Variants in ITGA9 observed in about 807,000 individuals in gnomAD.
ITGA9 encodes the protein integrin subunit alpha 9.
Under a neutral mutation model 127.8 loss-of-function variants are expected in ITGA9, and 56 were observed. That is an observed-to-expected ratio of 0.44 (90% CI 0.35 to 0.55). The LOEUF is 0.55. Among genes scored for constraint, ITGA9 ranks in the 20% least tolerant of loss-of-function variants. The pLI is 0.00. For synonymous variants in ITGA9, 508 were observed against 514.5 expected (o/e 0.99, Z 0.17); for missense variants, 1,196 against 1,347.1 (o/e 0.89, Z 1.76).
At chr3:37,725,527 A>G (rs1005560094) in intron 18 of ITGA9, among the ~76,000 whole-genome samples, 2 of 152,222 alleles carry the variant, frequency 1.3e-5, no homozygotes, top group Non-Finnish European at 2.9e-5. Context: ...GAGAACATGC[A>G]GAGGAGCTTT....
chr3:37,531,467 C>T (rs552782692), intron 13 of ITGA9, among the ~76,000 whole-genome samples: 1 of 152,332 alleles, frequency 6.6e-6, no homozygotes, highest in South Asian at 2.1e-4. Flanking sequence ...TTCCAACTTC[C>T]ACTGAGGTCA....
intron 15 of ITGA9, among the ~76,000 whole-genome samples, chr3:37,588,755 C>T (rs568229089): frequency 2.6e-5 from 4 of 152,318 alleles, no homozygotes; most frequent in South Asian, 2.1e-4. Context: ...GGGACTTCGG[C>T]GGAAGCCATA....
intron 15 of ITGA9, among the ~76,000 whole-genome samples, chr3:37,601,445 G>A (rs2125620803): frequency 6.6e-6 from 1 of 152,208 alleles, no homozygotes; most frequent in Middle Eastern, 3.4e-3. Context: ...ATTCCCAGAG[G>A]GCAACTAGGG....
chr3:37,621,578 AC>A (rs1459473481), intron 15 of ITGA9, among the ~76,000 whole-genome samples: 1 of 152,234 alleles, frequency 6.6e-6, no homozygotes, highest in Non-Finnish European at 1.5e-5. Flanking sequence ...CGACACACAC[AC>A]AGACTTTTCA....
intron 21 of ITGA9, among the ~76,000 whole-genome samples, chr3:37,743,460 A>C (rs922095496): frequency 1.3e-5 from 2 of 152,220 alleles, no homozygotes; most frequent in African/African-American, 4.8e-5. Context: ...TCAAATGCCT[A>C]ACTTCTAGTC....
intron 15 of ITGA9, among the ~76,000 whole-genome samples, chr3:37,608,823 A>C (rs1274814221): frequency 6.6e-6 from 1 of 152,150 alleles, no homozygotes; most frequent in African/African-American, 2.4e-5. Context: ...CTTCAGATTA[A>C]GGTAGTCCTT....
intron 16 of ITGA9, among the ~76,000 whole-genome samples, chr3:37,641,187 G>C (rs1700329656): frequency 6.6e-6 from 1 of 152,202 alleles, no homozygotes; most frequent in South Asian, 2.1e-4. Context: ...GGGCCAGCGA[G>C]TGTTACCGCC....
At chr3:37,761,992 G>C (rs547804697) in intron 23 of ITGA9, among the ~76,000 whole-genome samples, 1 of 152,314 alleles carries the variant, frequency 6.6e-6, no homozygotes, top group East Asian at 1.9e-4. Context: ...ATTTAATCAA[G>C]AAATAACCAT....
At chr3:37,652,447 T>TG (rs1700438538) in intron 16 of ITGA9, among the ~76,000 whole-genome samples, 1 of 152,068 alleles carries the variant, frequency 6.6e-6, no homozygotes, top group Admixed American at 6.5e-5. Flanking sequence ...TCCTCTTTTT[T>TG]CCCAAGACTT....
chr3:37,621,185 C>G (rs566867916), intron 15 of ITGA9, among the ~76,000 whole-genome samples: 1 of 152,212 alleles, frequency 6.6e-6, no homozygotes, highest in Non-Finnish European at 1.5e-5. Context: ...TCTCTCTTGT[C>G]TGCTGCCATG....
chr3:37,710,925 C>G (rs1444285305), intron 18 of ITGA9, among the ~76,000 whole-genome samples: 1 of 150,532 alleles, frequency 6.6e-6, no homozygotes, highest in African/African-American at 2.5e-5. Context: ...TATTAGTTAT[C>G]TGTTGCTGTG....
intron 18 of ITGA9, among the ~76,000 whole-genome samples, chr3:37,705,561 T>C (rs917929323): frequency 9.2e-5 from 14 of 152,328 alleles, no homozygotes; most frequent in African/African-American, 3.4e-4. Flanking sequence ...CAGCTTCGTG[T>C]GGGAGAGCTC....
intron 1 of ITGA9, among the ~76,000 whole-genome samples, chr3:37,464,477 T>C (rs2125549427): frequency 6.6e-6 from 1 of 152,296 alleles, no homozygotes; most frequent in Admixed American, 6.5e-5. Context: ...ATGGGTGTTT[T>C]ATAAACATTC....
At chr3:37,707,530 A>G (rs1437906035) in intron 18 of ITGA9, among the ~76,000 whole-genome samples, 1 of 152,142 alleles carries the variant, frequency 6.6e-6, no homozygotes, top group Non-Finnish European at 1.5e-5. Flanking sequence ...CTGAATTGGT[A>G]TGTTTTTCTG....
At chr3:37,627,953 C>G (rs936567157) in intron 15 of ITGA9, among the ~76,000 whole-genome samples, 2 of 152,080 alleles carry the variant, frequency 1.3e-5, no homozygotes, top group East Asian at 3.9e-4. Context: ...GGGAAGGGGG[C>G]TGGGTGTCGG....
In ITGA9 at chr3:37,575,790, T is replaced by G. The variant is rs984370704; in HGVS notation, c.1689+33205T>G. Among the ~76,000 whole-genome samples, 8 of 152,314 alleles carry G rather than the reference T, an allele frequency of 5.3e-5. No individual in the cohort carries two copies. The East Asian group carries it at 7.7e-4, about 15-fold the overall frequency. ...CTGCATGGCTGTGCATCATCCACCC[T>G]GGAGTATCTGCTTGCCAAAAATAGG... is the stretch of plus-strand genomic sequence containing the variant. On this transcript the variant is annotated intron_variant, in intron 15 of 27. Transcript: ENST00000264741.
chr3:37,468,179 GCATC>G (rs1325857438), intron 1 of ITGA9, among the ~76,000 whole-genome samples: 1 of 151,980 alleles, frequency 6.6e-6, no homozygotes, highest in Admixed American at 6.6e-5. Context: ...CTGGGGAGGT[GCATC>G]CCAGGGCATT....
At chr3:37,617,359 T>A (rs554090994) in intron 15 of ITGA9, among the ~76,000 whole-genome samples, 7 of 152,364 alleles carry the variant, frequency 4.6e-5, no homozygotes, top group African/African-American at 1.7e-4. Flanking sequence ...CTTCCCTTTG[T>A]GGGTAACCCG....
chr3:37,552,118 AGCAGATC>A (rs1475861515), intron 15 of ITGA9, among the ~76,000 whole-genome samples: 9 of 152,350 alleles, frequency 5.9e-5, no homozygotes, highest in South Asian at 2.1e-4. Flanking sequence ...CAGATGCAAA[AGCAGATC>A]GCTACAGCTG....
Sources: gnomAD v4.1 joint callset for allele counts (sites outside exome capture counted in the v4.1 genomes callset) on GRCh38, gnomAD v4.1.1 for gene constraint, MANE v1.5 for transcripts, NCBI Gene and HGNC (gene_info 2026-07-23, HGNC 2026-07-21) for gene names.